PSMB9: variants seen among roughly 807,000 people sequenced by gnomAD.
The protein encoded by PSMB9 is proteasome 20S subunit beta 9.
In PSMB9, 16 loss-of-function variants were observed where a neutral mutation model predicts 26.9. The observed-to-expected ratio is 0.59, with a 90% confidence interval of 0.40 to 0.90. The LOEUF (loss-of-function observed/expected upper bound fraction) is 0.90, where lower values mean the gene tolerates loss of function less well. Among genes scored for constraint, PSMB9 ranks in the 40% least tolerant of loss-of-function variants. The pLI, the probability that PSMB9 is intolerant of heterozygous loss-of-function variation, is 0.00. For synonymous variants in PSMB9, 91 were observed against 112.0 expected, an observed-to-expected ratio of 0.81 and a Z score of 1.18; for missense variants, 253 against 292.2, an observed-to-expected ratio of 0.87 and a Z score of 0.98.
chr6:32,859,054 GA>G (rs35686395), intron 5 of PSMB9, among the ~76,000 whole-genome samples: 112 of 119,570 alleles, frequency 9.4e-4, no homozygotes, highest in East Asian at 1.5e-3. Flanking sequence ...CCTGTCTGGA[GA>G]AAAAAAAAAA....
Position 32,857,252 on chromosome 6 carries a change from C to T in PSMB9, c.129-11C>T. ...GTTTTAACTTGGTGACTGTTGACTC[C>T]CTCCTGACAGCGAGGCGGTGGTGAA... On this transcript the variant is annotated splice_polypyrimidine_tract_variant and intron_variant, in intron 2 of 5. Transcript: ENST00000374859. 6.3e-7 allele frequency: 1 copy of T among 1,586,638 alleles called. No individual in the cohort carries two copies. Among genetic ancestry groups the T allele is most frequent in the Middle Eastern group, 1.7e-4 (1 of 5,956 alleles).
At chr6:32,859,030 T>C (rs1195954447) in intron 5 of PSMB9, 1 of 187,498 alleles carries the variant, frequency 5.3e-6, no homozygotes, top group Non-Finnish European at 1.0e-5. Context: ...GCAGCCTAGG[T>C]GACAGAGAGA....
chr6:32,858,575 C>T lies in PSMB9; in HGVS notation c.532+70C>T. 1 of 1,602,124 alleles carries T rather than the reference C, an allele frequency of 6.2e-7. No individual in the cohort carries two copies. The highest frequency in any genetic ancestry group is 1.7e-5 in the Admixed American group (1 of 59,870). Reference sequence around the variant, plus strand: ...TGGGAAGGAAGTAGATTATGAGGAACAGGAAGAGAAATACAGGGGTGGCCA... The same window carrying T: ...TGGGAAGGAAGTAGATTATGAGGAATAGGAAGAGAAATACAGGGGTGGCCA... On this transcript the variant is annotated intron_variant, in intron 5 of 5. Transcript: ENST00000374859. The surrounding 1 kb of genome is among the most constrained non-coding windows in gnomAD (Gnocchi z 5.2).
chr6:32,856,082 C>T (rs1282098767), intron 1 of PSMB9, 56 bp from the exon 2 acceptor site: 4 of 1,487,078 alleles, frequency 2.7e-6, no homozygotes, highest in East Asian at 4.5e-5. Flanking sequence ...TCTTCTCTAA[C>T]ATGAGGGCAT....
chr6:32,856,521 A>G (rs1236138570), intron 2 of PSMB9: 1 of 301,958 alleles, frequency 3.3e-6, no homozygotes, highest in East Asian at 5.7e-5. Flanking sequence ...GATCAAAAAG[A>G]TGATTCTGTC....
At chr6:32,855,286 T>C (rs1041957336) in intron 1 of PSMB9, among the ~76,000 whole-genome samples, 1 of 152,254 alleles carries the variant, frequency 6.6e-6, no homozygotes, top group Non-Finnish European at 1.5e-5. Flanking sequence ...TAACTCTGTG[T>C]GACTTTGCAT....
intron 2 of PSMB9, 29 bp from the exon 3 acceptor site, chr6:32,857,234 C>T: frequency 8.9e-7 from 1 of 1,126,972 alleles, no homozygotes; most frequent in Non-Finnish European, 1.3e-6. Flanking sequence ...TGAGTTTTAA[C>T]TTGGTGACTG....
chr6:32,859,395 C>T lies in PSMB9; in HGVS notation c.533-10C>T, dbSNP rs1005385486. 2 of 1,602,246 alleles carry T rather than the reference C, an allele frequency of 1.2e-6. No homozygotes were observed. Among genetic ancestry groups the T allele is most frequent in the Admixed American group, 3.5e-5 (2 of 57,762 alleles). On this transcript the variant is annotated splice_polypyrimidine_tract_variant and intron_variant, in intron 5 of 5. Coordinates refer to ENST00000374859, the MANE Select transcript of PSMB9 (RefSeq NM_002800.5). ...CTCTCTCCCTCTCTCCAACTTGAAA[C>T]CCTCTGCAGCTATTGCTCTGGCCAT...
intron 1 of PSMB9, among the ~76,000 whole-genome samples, chr6:32,855,922 A>T (rs1390262635): frequency 6.6e-6 from 1 of 152,142 alleles, no homozygotes; most frequent in East Asian, 1.9e-4. Flanking sequence ...GTGTTGTATC[A>T]CAGCTGGGCT....
In PSMB9 at chr6:32,859,491, G is replaced by A. The variant is rs1771352392; in HGVS notation, c.619G>A (p.Val207Ile). 1.2e-6 allele frequency: 2 copies of A among 1,613,710 alleles called. No homozygotes were observed. Among genetic ancestry groups the A allele is most frequent in the Non-Finnish European group, 8.5e-7 (1 of 1,179,944 alleles). ...TACAGCTGCCGGTGTGGACCATCGA[G>A]TCATCTTGGGCAATGAACTGCCAAA... ...TITAAGVDHR[V>I]ILGNELPKFY... The change falls in exon 6 of 6, where the codon GTC becomes ATC. Residue 207 changes from valine (V) to isoleucine (I), a missense_variant. Coordinates refer to ENST00000374859, the MANE Select transcript of PSMB9 (RefSeq NM_002800.5).
chr6:32,857,697 C>T (rs1562383745), intron 3 of PSMB9: 1 of 535,414 alleles, frequency 1.9e-6, no homozygotes, highest in Non-Finnish European at 3.3e-6. Flanking sequence ...TAATATCAGG[C>T]AGTTACCATA....
At chr6:32,857,942 G>A (rs928686974) in intron 3 of PSMB9, 63 bp from the exon 4 acceptor site, 3 of 1,596,574 alleles carry the variant, frequency 1.9e-6, no homozygotes, top group South Asian at 1.1e-5. Context: ...AGGGATGATG[G>A]TAACAGTATA....
Position 32,854,267 on chromosome 6 carries a change from G to T in PSMB9, c.38G>T (p.Arg13Leu). ...RAGAPTGDLP[R>L]AGEVHTGTTI... ...GGAGCACCAACCGGGGACTTACCCC[G>T]GGCGGGAGAAGTCCACACCGGGGTA... The change falls in exon 1 of 6, where the codon CGG becomes CTG. Residue 13 changes from arginine to leucine, a missense_variant. Transcript: ENST00000374859. The surrounding 1 kb of genome is among the most constrained non-coding windows in gnomAD (Gnocchi z 4.6). 13 of 1,523,144 alleles carry T rather than the reference G, an allele frequency of 8.5e-6. No individual in the cohort carries two copies. Among genetic ancestry groups the T allele is most frequent in the Non-Finnish European group, 1.1e-5 (13 of 1,137,828 alleles). 94.4% of individuals were successfully genotyped at this position (1,523,144 alleles called of 1,614,324 possible).
In PSMB9 at chr6:32,858,891, T is replaced by TA. The variant is rs11335808; in HGVS notation, c.532+397dup. ...CTCCACAAAAAACAATAAAAAAAAGTAAAAAAAAAAATGAACTGGGCATAG... is the reference window on the plus strand; with the variant it reads ...CTCCACAAAAAACAATAAAAAAAAGTAAAAAAAAAAAATGAACTGGGCATAG... On this transcript the variant is annotated intron_variant, in intron 5 of 5. Transcript: ENST00000374859. The surrounding 1 kb of genome is among the most constrained non-coding windows in gnomAD (Gnocchi z 5.2). 3.0e-3 allele frequency: 824 copies of TA among 275,442 alleles called. No individual in the cohort carries two copies. Among genetic ancestry groups the TA allele is most frequent in the South Asian group, 6.1e-3 (158 of 25,708 alleles). The allele number at this position is 275,442 out of a possible 1,614,324, so 17.1% of individuals were successfully genotyped here. A position where few individuals can be genotyped will look rare whatever the true frequency, so the allele number is the denominator to read the frequency against.
intron 5 of PSMB9, among the ~76,000 whole-genome samples, chr6:32,859,176 T>C (rs969443262): frequency 6.6e-6 from 1 of 152,198 alleles, no homozygotes; most frequent in African/African-American, 2.4e-5. Flanking sequence ...ATTTGTAACT[T>C]GCAATTCATC....
In PSMB9 at chr6:32,856,176, G is replaced by T; in HGVS notation, c.99G>T (p.Val33=). 1.9e-6 allele frequency: 3 copies of T among 1,613,040 alleles called. No individual in the cohort carries two copies. The highest frequency in any genetic ancestry group is 2.5e-6 in the Non-Finnish European group (3 of 1,180,008). The part of the protein sequence containing the change: ...IMAVEFDGGV[V]MGSDSRVSAG... ...CAGTGGAGTTTGACGGGGGCGTTGT[G>T]ATGGGTTCTGATTCCCGAGTGTCTG... The change falls in exon 2 of 6, where the codon GTG becomes GTT. Residue 33 remains valine, a synonymous_variant. Transcript: ENST00000374859.
chr6:32,855,624 T>C (rs1771123234), intron 1 of PSMB9, among the ~76,000 whole-genome samples: 1 of 152,006 alleles, frequency 6.6e-6, no homozygotes, highest in Non-Finnish European at 1.5e-5. Context: ...CTCGATTTTT[T>C]CCAATGTTCA....
Position 32,858,334 on chromosome 6 carries a change from G to A in PSMB9, c.391-30G>A, listed in dbSNP as rs757735711. On this transcript the variant is annotated intron_variant, in intron 4 of 5. Transcript: ENST00000374859. The surrounding 1 kb of genome is among the most constrained non-coding windows in gnomAD (Gnocchi z 5.2). ...TCTCAGTGGGAAGGAAGGGCTTGAT[G>A]ATTCTTTAACCTGAGGATCCCTTTC... The A allele has an allele frequency of 2.5e-6, 4 of 1,612,712 alleles. No individual in the cohort carries two copies. Among genetic ancestry groups the A allele is most frequent in the Non-Finnish European group, 2.5e-6 (3 of 1,179,856 alleles).
At chr6:32,856,292 C>G in intron 2 of PSMB9, 87 bp downstream of exon 2, 1 of 1,340,196 alleles carries the variant, frequency 7.5e-7, no homozygotes. Context: ...AAAAGACTGG[C>G]AAACTGGAGC....
Sources: gnomAD v4.1 joint callset for allele counts (sites outside exome capture counted in the v4.1 genomes callset) on GRCh38, gnomAD v4.1.1 for gene constraint, Gnocchi (gnomAD v3.1) non-coding constraint, MANE v1.5 for transcripts, NCBI Gene and HGNC (gene_info 2026-07-23, HGNC 2026-07-21) for gene names.